Variants in PTP4A1 observed in about 807,000 individuals in gnomAD.
The protein encoded by PTP4A1 is protein tyrosine phosphatase type IVA 1.
PTP4A1 carries 9 observed loss-of-function variants against 20.5 expected under a neutral mutation model. That is an observed-to-expected ratio of 0.44 (90% CI 0.26 to 0.77). The LOEUF is 0.77. Among genes scored for constraint, PTP4A1 ranks in the 30% least tolerant of loss-of-function variants. PTP4A1 has a pLI of 0.19. For synonymous variants in PTP4A1, 78 were observed against 67.4 expected (o/e 1.16, Z -0.77); for missense variants, 137 against 218.8 (o/e 0.63, Z 2.36).
intron 1 of PTP4A1, among the ~76,000 whole-genome samples, chr6:63,526,385 C>G (rs547479207): frequency 6.6e-6 from 1 of 152,090 alleles, no homozygotes; most frequent in East Asian, 1.9e-4. Flanking sequence ...TAGCTGATAA[C>G]AAAGTTGAAA....
upstream of PTP4A1, among the ~76,000 whole-genome samples, chr6:63,568,100 T>G (rs1777267329): frequency 6.6e-6 from 1 of 152,232 alleles, no homozygotes; most frequent in South Asian, 2.1e-4. Context: ...TTATCAACAA[T>G]GAGGCTGTTT....
intron 2 of PTP4A1, among the ~76,000 whole-genome samples, chr6:63,538,040 A>C (rs1775797349): frequency 1.3e-5 from 2 of 152,276 alleles, no homozygotes; most frequent in African/African-American, 4.8e-5. Flanking sequence ...TAAGAAAGAA[A>C]GATAAATTAT....
intron 2 of PTP4A1, among the ~76,000 whole-genome samples, chr6:63,529,713 G>T (rs1032268603): frequency 1.3e-5 from 2 of 152,288 alleles, no homozygotes; most frequent in East Asian, 1.9e-4. Context: ...GGAGGAAAAG[G>T]TTATGCATTT....
At chr6:63,563,329 T>C (rs1300970274) in intron 3 of PTP4A1, among the ~76,000 whole-genome samples, 4 of 152,222 alleles carry the variant, frequency 2.6e-5, no homozygotes, top group Non-Finnish European at 4.4e-5. Flanking sequence ...TTCCTTCCCT[T>C]GTATTGCTGC....
upstream of PTP4A1, among the ~76,000 whole-genome samples, chr6:63,520,804 G>T (rs1275671987): frequency 1.3e-5 from 2 of 151,878 alleles, no homozygotes; most frequent in African/African-American, 4.8e-5. Context: ...TTTTTGCCTT[G>T]TAAACAGGTG....
chr6:63,572,613 A>G lies in PTP4A1; in HGVS notation c.-552A>G. ...TCGCCGCCACCGCCGCTCCGCCACG[A>G]CCACCGCCGCCTCCTGCCCTGCAGC... is the stretch of plus-strand genomic sequence containing the variant. On this transcript the variant is annotated 5_prime_UTR_variant, in exon 1 of 6. Transcript: ENST00000626021. 2.1e-5 allele frequency: 9 copies of G among 419,748 alleles called. No homozygotes were observed. Among genetic ancestry groups the G allele is most frequent in the South Asian group, 1.1e-4 (1 of 9,398 alleles). 26.0% of individuals were successfully genotyped at this position (419,748 alleles called of 1,614,324 possible).
intron 3 of PTP4A1, among the ~76,000 whole-genome samples, chr6:63,563,955 A>C (rs1431028772): frequency 6.6e-6 from 1 of 152,204 alleles, no homozygotes; most frequent in African/African-American, 2.4e-5. Flanking sequence ...ATGTGCATTA[A>C]TATGTCTGAG....
intron 2 of PTP4A1, among the ~76,000 whole-genome samples, chr6:63,544,966 T>C (rs549392385): frequency 6.6e-6 from 1 of 152,202 alleles, no homozygotes; most frequent in Non-Finnish European, 1.5e-5. Flanking sequence ...TATCAAACTT[T>C]CATGCACTAG....
At chr6:63,570,388 T>A (rs979447399), upstream of PTP4A1, among the ~76,000 whole-genome samples, 7 of 152,226 alleles carry the variant, frequency 4.6e-5, no homozygotes, top group African/African-American at 1.7e-4. Flanking sequence ...CCTTATTTTT[T>A]CATCCTTTAA....
intron 2 of PTP4A1, among the ~76,000 whole-genome samples, chr6:63,539,053 C>T (rs1184111756): frequency 6.6e-6 from 1 of 151,846 alleles, no homozygotes; most frequent in Non-Finnish European, 1.5e-5. Context: ...CCACCATACC[C>T]GGCTAATTTG....
chr6:63,554,937 T>C (rs996898196), intron 3 of PTP4A1, among the ~76,000 whole-genome samples: 2 of 152,208 alleles, frequency 1.3e-5, no homozygotes, highest in Non-Finnish European at 2.9e-5. Context: ...GTTAGAATCA[T>C]ACAAAGAGAC....
At chr6:63,577,043 T>G (rs1248259303) in intron 2 of PTP4A1, 58 bp downstream of exon 2, 1 of 1,355,464 alleles carries the variant, frequency 7.4e-7, no homozygotes, top group Non-Finnish European at 1.0e-6. Flanking sequence ...GTGGGACTTA[T>G]AGCTAACAAA....
At chr6:63,563,002 T>G (rs1777031125) in intron 3 of PTP4A1, among the ~76,000 whole-genome samples, 1 of 152,222 alleles carries the variant, frequency 6.6e-6, no homozygotes, top group African/African-American at 2.4e-5. Context: ...TGTGGCATTT[T>G]GTGATGTAAA....
upstream of PTP4A1, among the ~76,000 whole-genome samples, chr6:63,520,865 A>G (rs1487746788): frequency 4.6e-5 from 7 of 152,146 alleles, no homozygotes; most frequent in Admixed American, 3.9e-4. Flanking sequence ...CACTACATGA[A>G]CAATCAGTTT....
At chr6:63,554,853 T>C (rs1428927525) in intron 3 of PTP4A1, among the ~76,000 whole-genome samples, 1 of 152,222 alleles carries the variant, frequency 6.6e-6, no homozygotes, top group Non-Finnish European at 1.5e-5. Context: ...TTGGGGACAA[T>C]CTTACTCTTA....
At chr6:63,520,814 G>T (rs1217812905), upstream of PTP4A1, among the ~76,000 whole-genome samples, 2 of 152,000 alleles carry the variant, frequency 1.3e-5, no homozygotes, top group Non-Finnish European at 2.9e-5. Flanking sequence ...GTAAACAGGT[G>T]GTAAAGAGAT....
chr6:63,562,783 T>G (rs1777021630), intron 3 of PTP4A1, among the ~76,000 whole-genome samples: 2 of 152,338 alleles, frequency 1.3e-5, no homozygotes, highest in African/African-American at 4.8e-5. Flanking sequence ...CTCAAAACCC[T>G]CAGAAATAGT....
At chr6:63,546,320 A>C (rs1776177814) in intron 2 of PTP4A1, among the ~76,000 whole-genome samples, 1 of 152,230 alleles carries the variant, frequency 6.6e-6, no homozygotes, top group South Asian at 2.1e-4. Context: ...CACATGTGAA[A>C]TCTAACAAAG....
chr6:63,522,883 G>A (rs1160355004), intron 1 of PTP4A1, among the ~76,000 whole-genome samples: 1 of 58,600 alleles, frequency 1.7e-5, no homozygotes, highest in African/African-American at 6.6e-5. Context: ...TTTTTTTTTT[G>A]AGACAGAGTC....
Sources: gnomAD v4.1 joint callset for allele counts (sites outside exome capture counted in the v4.1 genomes callset) on GRCh38, gnomAD v4.1.1 for gene constraint, MANE v1.5 for transcripts, NCBI Gene and HGNC (gene_info 2026-07-23, HGNC 2026-07-21) for gene names.